The following GDAP1L1 variants were observed in gnomAD, a reference collection of about 807,000 sequenced individuals.
GDAP1L1 encodes ganglioside induced differentiation associated protein 1 like 1, also known as ganglioside-induced differentiation-associated protein 1-like 1.
GDAP1L1 carries 21 observed loss-of-function variants against 37.1 expected under a neutral mutation model. The ratio of observed to expected loss-of-function variants is 0.57; its 90% confidence interval spans 0.40 to 0.81. GDAP1L1 has a LOEUF of 0.81. Ranked by LOEUF, GDAP1L1 falls within the 40% of genes least tolerant of loss-of-function variation. The probability of loss-of-function intolerance (pLI) is 0.00; values close to 1 mark genes in which losing one functional copy is unlikely to be tolerated. For synonymous variants in GDAP1L1, 193 were observed against 209.1 expected (o/e 0.92, Z 0.67); for missense variants, 362 against 491.6 (o/e 0.74, Z 2.49).
intron 5 of GDAP1L1, among the ~76,000 whole-genome samples, chr20:44,277,145 C>T (rs2062591372): frequency 6.6e-6 from 1 of 152,180 alleles, no homozygotes; most frequent in African/African-American, 2.4e-5. Flanking sequence ...GTGCCTCAGC[C>T]TCCTGAGAAG....
rs147037363 is a variant in GDAP1L1 at position 44,261,586 on chromosome 20, T to C, written c.548-1644T>C. The stretch of plus-strand genomic sequence containing the variant: ...AGCCACTGCTCTCCAGAAGCTCAAG[T>C]GTTAGAGGGAGACATACACATTCAG... On this transcript the variant is annotated intron_variant, in intron 3 of 5. Transcript: ENST00000342560. Among the ~76,000 whole-genome samples, 45 of 152,170 alleles carry C rather than the reference T, an allele frequency of 3.0e-4. 1 individual carries two copies. The East Asian group carries it at 8.3e-3, about 28-fold the overall frequency.
At position 44,274,921 on chromosome 20, in the gene GDAP1L1, G is replaced by T. The variant is rs577180247; in HGVS notation, c.761-4036G>T. Among the ~76,000 whole-genome samples, 25 of 152,190 alleles carry T rather than the reference G, an allele frequency of 1.6e-4. 1 individual carries two copies. The highest frequency in any genetic ancestry group is 5.8e-4 in the African/African-American group (24 of 41,534). ...TTTGTTTGTTAGTTTTTGAGACAGG[G>T]TCTCTCTGTCACCCAGGCTGGAGTG... On this transcript the variant is annotated intron_variant, in intron 5 of 5. Transcript: ENST00000342560.
At chr20:44,268,278 A>C (rs1204572713) in intron 5 of GDAP1L1, among the ~76,000 whole-genome samples, 1 of 152,202 alleles carries the variant, frequency 6.6e-6, no homozygotes, top group East Asian at 1.9e-4. Context: ...CAAAATGTTG[A>C]TAGTAATAGA....
At chr20:44,276,412 A>AAAGAAAGAAAGAAAGAAAGAAAGAAAG (rs2062576459) in intron 5 of GDAP1L1, among the ~76,000 whole-genome samples, 4 of 113,308 alleles carry the variant, frequency 3.5e-5, no homozygotes, top group African/African-American at 1.4e-4. Context: ...AGAAAAAAGA[A>AAAGAAAGAAAGAAAGAAAGAAAGAAAG]AAAGAAAGAA....
At chr20:44,259,915 G>C (rs769269469) in intron 3 of GDAP1L1, among the ~76,000 whole-genome samples, 1 of 152,132 alleles carries the variant, frequency 6.6e-6, no homozygotes. Flanking sequence ...TGCCATCCCA[G>C]GGTCAAGTTC....
At chr20:44,276,458 A>AAGAAAGAAAGAAAGAAAG (rs1456856510) in intron 5 of GDAP1L1, among the ~76,000 whole-genome samples, 52 of 150,218 alleles carry the variant, frequency 3.5e-4, no homozygotes, top group African/African-American at 1.3e-3. Context: ...GAAAGAAAGA[A>AAGAAAGAAAGAAAGAAAG]AGAAAGAAAA....
intron 3 of GDAP1L1, among the ~76,000 whole-genome samples, chr20:44,260,545 G>A (rs1450219170): frequency 1.3e-5 from 2 of 152,090 alleles, no homozygotes; most frequent in Non-Finnish European, 2.9e-5. Flanking sequence ...GTTTAAAAAC[G>A]TTTAATCTGG....
upstream of GDAP1L1, chr20:44,247,243 AG>A (rs907155173): frequency 7.9e-7 from 1 of 1,270,896 alleles, no homozygotes; most frequent in Non-Finnish European, 1.1e-6. Flanking sequence ...GAGGGAGGAG[AG>A]GGGCAGGCTC....
intron 5 of GDAP1L1, among the ~76,000 whole-genome samples, chr20:44,271,503 G>A (rs902239743): frequency 2.6e-5 from 4 of 152,248 alleles, no homozygotes; most frequent in Middle Eastern, 3.4e-3. Context: ...CGGTGACCTC[G>A]CCAGAAGCAT....
intron 5 of GDAP1L1, among the ~76,000 whole-genome samples, chr20:44,270,686 C>T (rs1010719796): frequency 6.6e-6 from 1 of 152,166 alleles, no homozygotes; most frequent in Non-Finnish European, 1.5e-5. Context: ...GGCCTCTATC[C>T]CCTGCTGGCT....
chr20:44,279,127 T>G lies in GDAP1L1; in HGVS notation c.931T>G (p.Phe311Val), dbSNP rs1283802111. ...TGAGAGGGTCCAGAGACGCTTTGCC[T>G]TCCGGAAAGTCCTGGGTGACATCCA... The part of the protein sequence containing the change: ...FFERVQRRFA[F>V]RKVLGDIHTT... The change falls in exon 6 of 6, where the codon TTC (phenylalanine) becomes GTC (valine). Residue 311 changes from phenylalanine (F) to valine (V), a missense_variant. Phe to Val is a conservative substitution (Grantham distance 50, BLOSUM62 -1). Around this residue, in one of 2 missense-constraint regions of GDAP1L1, gnomAD observed 85 missense variants for 154.4 expected, o/e 0.55. Coordinates refer to ENST00000342560, the MANE Select transcript of GDAP1L1 (RefSeq NM_024034.6). 6.2e-7 allele frequency: 1 copy of G among 1,614,062 alleles called. No homozygotes were observed. Among genetic ancestry groups the G allele is most frequent in the Non-Finnish European group, 8.5e-7 (1 of 1,180,032 alleles).
rs149386255 is a variant in GDAP1L1, at chr20:44,255,062, G to A, written c.181-2091G>A. Among the ~76,000 whole-genome samples, 66 of 152,314 alleles carry A rather than the reference G, an allele frequency of 4.3e-4. 2 individuals are homozygous for A. Among genetic ancestry groups the A allele is most frequent in the African/African-American group, 1.6e-3 (66 of 41,574 alleles). The stretch of plus-strand genomic sequence containing the variant: ...GGTCACACAGCAAATAAGCAGTAGA[G>A]CTAGGCTTCCAAGTCAAAGTCTGTC... On this transcript the variant is annotated intron_variant, in intron 1 of 5. Coordinates refer to ENST00000342560, the MANE Select transcript of GDAP1L1 (RefSeq NM_024034.6).
chr20:44,253,925 G>A (rs1430374272), intron 1 of GDAP1L1, among the ~76,000 whole-genome samples: 4 of 152,234 alleles, frequency 2.6e-5, no homozygotes, highest in Non-Finnish European at 5.9e-5. Flanking sequence ...GTAGAGCATG[G>A]GAGCGGCCCC....
chr20:44,252,353 A>G (rs2073461009), intron 1 of GDAP1L1, among the ~76,000 whole-genome samples: 1 of 152,214 alleles, frequency 6.6e-6, no homozygotes, highest in African/African-American at 2.4e-5. Context: ...TCTCCTAAAA[A>G]TACAGGCTGG....
intron 5 of GDAP1L1, among the ~76,000 whole-genome samples, chr20:44,275,629 A>C (rs1037134566): frequency 1.3e-5 from 2 of 152,188 alleles, no homozygotes; most frequent in Admixed American, 6.5e-5. Context: ...TGAGGAGTCA[A>C]GATTATAGAC....
At chr20:44,277,839 T>C (rs2062599595) in intron 5 of GDAP1L1, among the ~76,000 whole-genome samples, 1 of 151,920 alleles carries the variant, frequency 6.6e-6, no homozygotes, top group Non-Finnish European at 1.5e-5. Flanking sequence ...TGCTGACAAA[T>C]TGTATGTGGG....
At chr20:44,249,651 G>T (rs993299304) in intron 1 of GDAP1L1, among the ~76,000 whole-genome samples, 4 of 152,218 alleles carry the variant, frequency 2.6e-5, no homozygotes, top group African/African-American at 9.6e-5. Context: ...TGAGCTCAGG[G>T]CTGAGGTGGC....
At chr20:44,250,586 C>T (rs1409644745) in intron 1 of GDAP1L1, among the ~76,000 whole-genome samples, 1 of 152,164 alleles carries the variant, frequency 6.6e-6, no homozygotes, top group Non-Finnish European at 1.5e-5. Context: ...TCAGCTTTCT[C>T]ATATATTTGG....
At chr20:44,271,993 C>A (rs894905108) in intron 5 of GDAP1L1, among the ~76,000 whole-genome samples, 1 of 152,204 alleles carries the variant, frequency 6.6e-6, no homozygotes, top group Admixed American at 6.5e-5. Context: ...TGGTCACTGC[C>A]AGCCGTGATG....
Sources: allele counts gnomAD v4.1 joint callset (sites outside exome capture counted in the v4.1 genomes callset), GRCh38; gene constraint gnomAD v4.1.1; regional missense constraint gnomAD v4.1.1; transcripts MANE v1.5; gene names NCBI Gene and HGNC (gene_info 2026-07-23, HGNC 2026-07-21).